The following MBNL2 variants were observed in gnomAD, a reference collection of about 807,000 sequenced individuals.
MBNL2 encodes muscleblind like splicing regulator 2.
MBNL2 carries 17 observed loss-of-function variants against 41.9 expected under a neutral mutation model. The ratio of observed to expected loss-of-function variants is 0.41; its 90% CI spans 0.28 to 0.61. The LOEUF is 0.61. MBNL2 is among the 20% of genes least tolerant of loss of function. The probability of loss-of-function intolerance (pLI) is 0.35; values close to 1 mark genes in which losing one functional copy is unlikely to be tolerated. For synonymous variants in MBNL2, 195 were observed against 182.9 expected (o/e 1.07, Z -0.53); for missense variants, 336 against 505.6 (o/e 0.66, Z 3.22).
intron 5 of MBNL2, among the ~76,000 whole-genome samples, chr13:97,353,926 C>G (rs1448831458): frequency 1.3e-5 from 2 of 151,424 alleles, no homozygotes; most frequent in Non-Finnish European, 2.9e-5. Flanking sequence ...AGTGGTAGCT[C>G]TGATCATTGT....
intron 1 of MBNL2, among the ~76,000 whole-genome samples, chr13:97,243,523 C>T (rs989017607): frequency 6.6e-6 from 1 of 152,072 alleles, no homozygotes; most frequent in Non-Finnish European, 1.5e-5. Context: ...GATTTTCCAA[C>T]AAGGGATTTG....
chr13:97,356,507 C>CT (rs1431382601), intron 5 of MBNL2, among the ~76,000 whole-genome samples: 17 of 152,010 alleles, frequency 1.1e-4, no homozygotes, highest in African/African-American at 3.9e-4. Context: ...TTTCAAACAT[C>CT]TATATTTTAC....
At chr13:97,287,227 G>A (rs941619548) in intron 2 of MBNL2, among the ~76,000 whole-genome samples, 1 of 152,140 alleles carries the variant, frequency 6.6e-6, no homozygotes, top group Admixed American at 6.5e-5. Context: ...GTGTCAGCTA[G>A]AGCTATTAAA....
At chr13:97,348,123 G>A (rs2062065470) in intron 5 of MBNL2, among the ~76,000 whole-genome samples, 1 of 148,256 alleles carries the variant, frequency 6.7e-6, no homozygotes, top group African/African-American at 2.5e-5. Context: ...CACCCAGGCT[G>A]GAGTGCAGTG....
At chr13:97,272,061 A>C (rs2051148098) in intron 1 of MBNL2, among the ~76,000 whole-genome samples, 1 of 152,240 alleles carries the variant, frequency 6.6e-6, no homozygotes, top group African/African-American at 2.4e-5. Flanking sequence ...AAGCATTCCT[A>C]TTTCTCCACA....
At chr13:97,148,396 A>G in the MBNL2 span, among the ~76,000 whole-genome samples, 1 of 152,092 alleles carries the variant, frequency 6.6e-6, no homozygotes, top group Non-Finnish European at 1.5e-5. Context: ...CATTCATTAT[A>G]TATTTGTCCA....
At chr13:97,344,878 T>C (rs2061711272) in intron 4 of MBNL2, among the ~76,000 whole-genome samples, 2 of 152,196 alleles carry the variant, frequency 1.3e-5, no homozygotes, top group African/African-American at 4.8e-5. Flanking sequence ...CAGAGCGGCT[T>C]TTGGTTCATT....
At chr13:97,248,702 T>C (rs1487161222) in intron 1 of MBNL2, among the ~76,000 whole-genome samples, 1 of 152,270 alleles carries the variant, frequency 6.6e-6, no homozygotes, top group African/African-American at 2.4e-5. Context: ...GATAACTTTT[T>C]TTTTAGAATC....
the MBNL2 span, among the ~76,000 whole-genome samples, chr13:97,184,908 T>A: frequency 1.5e-4 from 23 of 149,336 alleles, no homozygotes; most frequent in Middle Eastern, 3.4e-3. Context: ...TAGCCAAAAA[T>A]TTTTTTTTTA....
chr13:97,322,557 T>A (rs564978825), intron 2 of MBNL2, among the ~76,000 whole-genome samples: 2 of 152,202 alleles, frequency 1.3e-5, no homozygotes, highest in Non-Finnish European at 2.9e-5. Context: ...TATCAGAACT[T>A]GAGTCTATGG....
chr13:97,372,183 C>T (rs996548368), intron 8 of MBNL2, among the ~76,000 whole-genome samples: 7 of 152,142 alleles, frequency 4.6e-5, no homozygotes, highest in South Asian at 4.1e-4. Flanking sequence ...AATCTTTTTA[C>T]GGAGCATCAC....
At chr13:97,181,316 A>G in the MBNL2 span, among the ~76,000 whole-genome samples, 2 of 152,280 alleles carry the variant, frequency 1.3e-5, no homozygotes, top group Non-Finnish European at 2.9e-5. Flanking sequence ...GAATGTTGAC[A>G]TCTCTAGGGA....
At chr13:97,177,292 T>C in the MBNL2 span, among the ~76,000 whole-genome samples, 1 of 152,122 alleles carries the variant, frequency 6.6e-6, no homozygotes, top group Non-Finnish European at 1.5e-5. Flanking sequence ...TGAGCTGAGA[T>C]CACGCCACTG....
Position 97,336,292 on chromosome 13 carries a change from A to C in MBNL2, c.339+1852A>C, listed in dbSNP as rs111714210. ...AACTGTGACATGTTTAAAAATTACC[A>C]ACTCTACAAACAAATTAATTCAGTC... On this transcript the variant is annotated intron_variant, in intron 3 of 8. Coordinates refer to ENST00000679496, the MANE Select transcript of MBNL2 (RefSeq NM_001382683.1). Among the ~76,000 whole-genome samples, 665 of 152,328 alleles carry C rather than the reference A, an allele frequency of 4.4e-3. 8 individuals carry two copies. Among genetic ancestry groups the C allele is most frequent in the African/African-American group, 0.015 (640 of 41,566 alleles).
chr13:97,192,946 A>T, the MBNL2 span, among the ~76,000 whole-genome samples: 1 of 152,370 alleles, frequency 6.6e-6, no homozygotes, highest in Middle Eastern at 3.4e-3. Flanking sequence ...TCTGGGCTTT[A>T]GTCCCAAGAC....
intron 2 of MBNL2, among the ~76,000 whole-genome samples, chr13:97,315,865 G>A (rs996078013): frequency 6.6e-6 from 1 of 151,918 alleles, no homozygotes; most frequent in Non-Finnish European, 1.5e-5. Context: ...GATGTGGAAG[G>A]CCTTGCTCGT....
At chr13:97,171,765 C>A in the MBNL2 span, among the ~76,000 whole-genome samples, 1 of 152,166 alleles carries the variant, frequency 6.6e-6, no homozygotes, top group Non-Finnish European at 1.5e-5. Context: ...ACCCAAATCT[C>A]ATCTTGAATT....
intron 1 of MBNL2, among the ~76,000 whole-genome samples, chr13:97,242,184 T>G (rs2044424724): frequency 1.3e-5 from 2 of 152,136 alleles, no homozygotes; most frequent in Admixed American, 1.3e-4. Context: ...AAACTTCAAT[T>G]ACAAAATGTG....
intron 1 of MBNL2, among the ~76,000 whole-genome samples, chr13:97,230,183 A>C (rs2042195184): frequency 6.6e-6 from 1 of 152,212 alleles, no homozygotes; most frequent in Non-Finnish European, 1.5e-5. Flanking sequence ...CTGTGATCCC[A>C]GCTACTCGGG....
Sources: allele counts gnomAD v4.1 joint callset (sites outside exome capture counted in the v4.1 genomes callset), GRCh38; gene constraint gnomAD v4.1.1; transcripts MANE v1.5; gene names NCBI Gene and HGNC (gene_info 2026-07-23, HGNC 2026-07-21).